The following GREB1L variants were observed in gnomAD, a reference collection of about 807,000 sequenced individuals.
GREB1L encodes the protein GREB1-like protein.
Under a neutral mutation model 200.8 loss-of-function variants are expected in GREB1L, and 17 were observed. The observed-to-expected ratio is 0.08, with a 90% CI of 0.06 to 0.13. The LOEUF is 0.13. Among genes scored for constraint, GREB1L ranks in the 10% least tolerant of loss-of-function variants. The pLI is 1.00. For missense variants in GREB1L, 1,657 were observed against 2,367.7 expected (o/e 0.70, Z 6.23); for synonymous variants, 789 against 893.0 (o/e 0.88, Z 2.08).
chr18:21,511,568 C>T (rs1048316309), intron 27 of GREB1L, among the ~76,000 whole-genome samples: 2 of 152,108 alleles, frequency 1.3e-5, no homozygotes, highest in Admixed American at 1.3e-4. Context: ...GTCTTTGATC[C>T]ATTTTGAGTT....
chr18:21,445,027 C>T (rs2034130712), intron 11 of GREB1L, among the ~76,000 whole-genome samples: 1 of 152,264 alleles, frequency 6.6e-6, no homozygotes, highest in Middle Eastern at 3.4e-3. Flanking sequence ...ATATATTCTC[C>T]GAAGCCCCAA....
chr18:21,431,779 T>C (rs1241294748), intron 7 of GREB1L, among the ~76,000 whole-genome samples: 2 of 152,166 alleles, frequency 1.3e-5, no homozygotes, highest in East Asian at 3.8e-4. Context: ...CTTTGCTTCA[T>C]TTATTTGGGG....
At chr18:21,509,131 G>A (rs745529088) in intron 27 of GREB1L, among the ~76,000 whole-genome samples, 39 of 152,190 alleles carry the variant, frequency 2.6e-4, no homozygotes, top group Admixed American at 8.5e-4. Context: ...AGAGCAATGC[G>A]CTGATTTCTC....
At chr18:21,265,555 G>A in intron 1 of GREB1L, among the ~76,000 whole-genome samples, 1 of 152,196 alleles carries the variant, frequency 6.6e-6, no homozygotes, top group Non-Finnish European at 1.5e-5. Context: ...ATATTGAAAT[G>A]CTGTTGTTTT....
intron 1 of GREB1L, among the ~76,000 whole-genome samples, chr18:21,254,898 A>G (rs1356072996): frequency 6.6e-6 from 1 of 152,162 alleles, no homozygotes; most frequent in African/African-American, 2.4e-5. Flanking sequence ...TGATGTCCCA[A>G]ATCTTAGTGA....
intron 1 of GREB1L, among the ~76,000 whole-genome samples, chr18:21,330,476 A>G (rs146937768): frequency 6.6e-6 from 1 of 152,252 alleles, no homozygotes; most frequent in African/African-American, 2.4e-5. Flanking sequence ...AAATCTCTAG[A>G]TCCGTTTCCA....
chr18:21,258,721 C>T (rs2037841121), intron 1 of GREB1L, among the ~76,000 whole-genome samples: 1 of 152,136 alleles, frequency 6.6e-6, no homozygotes, highest in Non-Finnish European at 1.5e-5. Flanking sequence ...TTTCATTTCC[C>T]TTTTGTTTTT....
intron 17 of GREB1L, among the ~76,000 whole-genome samples, chr18:21,480,597 G>A (rs752437979): frequency 1.7e-4 from 26 of 152,158 alleles, no homozygotes; most frequent in East Asian, 1.9e-4. Flanking sequence ...GATGATTAGC[G>A]TCCTTTAGTT....
chr18:21,483,862 G>T (rs2036015310), intron 17 of GREB1L, among the ~76,000 whole-genome samples: 1 of 151,720 alleles, frequency 6.6e-6, no homozygotes, highest in South Asian at 2.1e-4. Flanking sequence ...TGTAGTCCCA[G>T]CTGCTTGGGA....
At chr18:21,499,273 T>C (rs2036676939) in intron 21 of GREB1L, among the ~76,000 whole-genome samples, 2 of 151,948 alleles carry the variant, frequency 1.3e-5, no homozygotes, top group African/African-American at 4.8e-5. Context: ...CCAAACCAGG[T>C]CATTTGAGGA....
Position 21,395,367 on chromosome 18 carries a change from T to C in GREB1L, c.356-18T>C, listed in dbSNP as rs775656706. ...ACTAAACATTTCACTGTGTCCTTTT[T>C]TTTAAACTGGTTTTTAGGTTTTTGT... On this transcript the variant is annotated intron_variant, in intron 4 of 32. Transcript: ENST00000424526. The C allele has an allele frequency of 6.5e-7, 1 of 1,540,316 alleles. No individual in the cohort carries two copies. Among genetic ancestry groups the C allele is most frequent in the Non-Finnish European group, 8.8e-7 (1 of 1,137,826 alleles).
chr18:21,321,409 G>A (rs537238819), intron 1 of GREB1L, among the ~76,000 whole-genome samples: 64 of 152,116 alleles, frequency 4.2e-4, no homozygotes, highest in African/African-American at 1.5e-3. Context: ...GATAGGCCAG[G>A]CACGGTTGCT....
In GREB1L at chr18:21,525,574, A is replaced by ATCTT. The variant is rs1568085891; in HGVS notation, c.*2755_*2758dup. Among the ~76,000 whole-genome samples the ATCTT allele has an allele frequency of 6.6e-6, 1 of 152,216 alleles. No individual in the cohort carries two copies. Among genetic ancestry groups the ATCTT allele is most frequent in the African/African-American group, 2.4e-5 (1 of 41,460 alleles). ...TTGAAAACATACATAGTAGATACCA[A>ATCTT]TCTTTTATTTGACAGATTGCAACTA... On this transcript the variant is annotated 3_prime_UTR_variant, in exon 33 of 33. Coordinates refer to ENST00000424526, the MANE Select transcript of GREB1L (RefSeq NM_001142966.3).
chr18:21,271,167 G>C (rs2038072384), intron 1 of GREB1L, among the ~76,000 whole-genome samples: 1 of 152,188 alleles, frequency 6.6e-6, no homozygotes, highest in Non-Finnish European at 1.5e-5. Context: ...GTATATAACA[G>C]ACCTTTATAT....
At chr18:21,481,435 ATGTATG>A (rs1228341497) in intron 17 of GREB1L, among the ~76,000 whole-genome samples, 3 of 124,374 alleles carry the variant, frequency 2.4e-5, no homozygotes, top group African/African-American at 1.0e-4. Context: ...AACAGTATAT[ATGTATG>A]TGTGTGTGTG....
chr18:21,374,280 A>G (rs2039987304), intron 2 of GREB1L, among the ~76,000 whole-genome samples: 1 of 152,180 alleles, frequency 6.6e-6, no homozygotes, highest in Admixed American at 6.5e-5. Flanking sequence ...CTGGGATTAC[A>G]GGTGTGAGCC....
At position 21,505,884 on chromosome 18, in the gene GREB1L, G is replaced by A. The variant is rs1220902509; in HGVS notation, c.4303G>A (p.Ala1435Thr). ...ATCCATAATGCTGACCAAATATGCA[G>A]CCTATAACACCTTTCACCACTGTGA... is the stretch of plus-strand genomic sequence containing the variant. The part of the protein sequence containing the change: ...TVSIMLTKYA[A>T]YNTFHHCEQC... The change falls in exon 25 of 33, where the codon GCC (alanine) becomes ACC (threonine). Residue 1435 changes from alanine (A) to threonine (T), a missense_variant. Around this residue, in one of 9 missense-constraint regions of GREB1L, gnomAD observed 512 missense variants for 668.3 expected, o/e 0.77. Coordinates refer to ENST00000424526, the MANE Select transcript of GREB1L (RefSeq NM_001142966.3). 1.3e-6 allele frequency: 2 copies of A among 1,552,062 alleles called. No homozygotes were observed. Among genetic ancestry groups the A allele is most frequent in the African/African-American group, 1.4e-5 (1 of 73,022 alleles).
At chr18:21,244,971 A>T (rs1218133775) in intron 1 of GREB1L, among the ~76,000 whole-genome samples, 2 of 152,320 alleles carry the variant, frequency 1.3e-5, no homozygotes, top group African/African-American at 4.8e-5. Flanking sequence ...AAGTGTTTAG[A>T]TTATGAACAT....
intron 4 of GREB1L, among the ~76,000 whole-genome samples, chr18:21,388,497 C>T (rs1457826706): frequency 7.4e-5 from 11 of 147,698 alleles, no homozygotes; most frequent in African/African-American, 1.7e-4. Context: ...ATCCAGGATA[C>T]GGCATCAGAT....
Sources: gnomAD v4.1 joint callset for allele counts (sites outside exome capture counted in the v4.1 genomes callset) on GRCh38, gnomAD v4.1.1 for gene constraint, gnomAD v4.1.1 regional missense constraint, MANE v1.5 for transcripts, NCBI Gene and HGNC (gene_info 2026-07-23, HGNC 2026-07-21) for gene names.